SEL1L3: variants seen among roughly 807,000 people sequenced by gnomAD.
The protein encoded by SEL1L3 is SEL1L family member 3.
In SEL1L3, 76 loss-of-function variants were observed where a neutral mutation model predicts 142.8. That is an observed-to-expected ratio of 0.53 (90% CI 0.44 to 0.64). The LOEUF (loss-of-function observed/expected upper bound fraction) is 0.64. Among genes scored for constraint, SEL1L3 ranks in the 30% least tolerant of loss-of-function variants. The pLI is 0.00. For missense variants in SEL1L3, 1,262 were observed against 1,381.7 expected, an observed-to-expected ratio of 0.91 and a Z score of 1.37; for synonymous variants, 504 against 519.6, an observed-to-expected ratio of 0.97 and a Z score of 0.41.
At chr4:25,750,156 C>G (rs1214459601) in intron 23 of SEL1L3, among the ~76,000 whole-genome samples, 1 of 149,736 alleles carries the variant, frequency 6.7e-6, no homozygotes, top group Admixed American at 6.7e-5. Flanking sequence ...ATTGCTTGAA[C>G]CTGGGAGGCC....
At chr4:25,814,170 T>C (rs943613952) in intron 9 of SEL1L3, among the ~76,000 whole-genome samples, 1 of 143,018 alleles carries the variant, frequency 7.0e-6, no homozygotes, top group South Asian at 2.3e-4. Flanking sequence ...ATCTTATTTG[T>C]TAAAAATTCC....
chr4:25,768,928 A>C (rs565415618), intron 17 of SEL1L3, among the ~76,000 whole-genome samples: 84 of 152,150 alleles, frequency 5.5e-4, no homozygotes, highest in African/African-American at 2.0e-3. Context: ...GAAAAAAAAA[A>C]CCCTAAAAAT....
At chr4:25,744,457 G>T (rs1057450448), downstream of SEL1L3, among the ~76,000 whole-genome samples, 1 of 148,408 alleles carries the variant, frequency 6.7e-6, no homozygotes, top group African/African-American at 2.5e-5. Context: ...AGGTTCAAGC[G>T]ATGCTCATGC....
At chr4:25,812,607 G>C (rs1374902516) in intron 9 of SEL1L3, among the ~76,000 whole-genome samples, 1 of 151,608 alleles carries the variant, frequency 6.6e-6, no homozygotes, top group Non-Finnish European at 1.5e-5. Flanking sequence ...AGTTACTCAG[G>C]AGGCTGAGGC....
chr4:25,862,741 C>T lies in SEL1L3; in HGVS notation c.96G>A (p.Pro32=). ...AVGPRAAAMV[P]SGGVPQGLGG... ...CGAGGCCCTGGGGGACGCCGCCACT[C>T]GGGACCATGGCTGCGGCCCGGGGGC... is the stretch of plus-strand genomic sequence containing the variant. The change falls in exon 1 of 24, where the codon CCG becomes CCA. Residue 32 remains proline, a synonymous_variant. Transcript: ENST00000399878. The T allele has an allele frequency of 3.2e-6, 4 of 1,256,164 alleles. No homozygotes were observed. The highest frequency in any genetic ancestry group is 5.6e-5 in the South Asian group (2 of 35,512). The allele number at this position is 1,256,164 out of a possible 1,614,324, so 77.8% of individuals were successfully genotyped here. A position where few individuals can be genotyped will look rare whatever the true frequency, so the allele number is the denominator to read the frequency against.
At chr4:25,733,197 A>G in the SEL1L3 span, among the ~76,000 whole-genome samples, 1 of 152,158 alleles carries the variant, frequency 6.6e-6, no homozygotes, top group Non-Finnish European at 1.5e-5. Flanking sequence ...CATTGAATCT[A>G]TAAAATCAAT....
chr4:25,797,684 A>T (rs916201721), intron 11 of SEL1L3, among the ~76,000 whole-genome samples: 2 of 152,194 alleles, frequency 1.3e-5, no homozygotes, highest in Non-Finnish European at 2.9e-5. Context: ...ACTGCAGTTG[A>T]CTTTCTGTTC....
the SEL1L3 span, among the ~76,000 whole-genome samples, chr4:25,738,695 G>T: frequency 5.9e-5 from 9 of 152,136 alleles, no homozygotes; most frequent in Non-Finnish European, 1.2e-4. Flanking sequence ...CCATAGTTGA[G>T]GTAATCATTG....
chr4:25,840,977 C>A (rs1228381950), intron 2 of SEL1L3, among the ~76,000 whole-genome samples: 1 of 152,072 alleles, frequency 6.6e-6, no homozygotes, highest in Non-Finnish European at 1.5e-5. Flanking sequence ...ACAGCTTATG[C>A]CTTCCCCTCT....
chr4:25,809,029 C>T (rs1408804771), intron 9 of SEL1L3, among the ~76,000 whole-genome samples: 4 of 143,904 alleles, frequency 2.8e-5, no homozygotes, highest in South Asian at 2.3e-4. Context: ...GCCGAGATCG[C>T]GCCACTGCAC....
In SEL1L3 at chr4:25,802,314, G is replaced by C; in HGVS notation, c.1925C>G (p.Pro642Arg). Reference sequence around the variant, plus strand: ...TCCTTGCAGTGTGTGCTGGTCAAGGGGTGTCTTGGTGGCAATGTTGCTGTA... The same window carrying C: ...TCCTTGCAGTGTGTGCTGGTCAAGGCGTGTCTTGGTGGCAATGTTGCTGTA... ...AYYSNIATKT[P>R]LDQHTLQGDQ... Residue 642 changes from proline to arginine, a missense_variant, in exon 11 of 24, where the codon CCC (proline) becomes CGC (arginine). By Grantham distance (103) the Pro-to-Arg change is moderately radical (BLOSUM62 -2). This residue lies in a region of SEL1L3 where 435 missense variants were observed against 559.2 expected (regional missense o/e 0.78). Coordinates refer to ENST00000399878, the MANE Select transcript of SEL1L3 (RefSeq NM_015187.5). The C allele has an allele frequency of 6.2e-7, 1 of 1,613,630 alleles. No homozygotes were observed. The highest frequency in any genetic ancestry group is 8.5e-7 in the Non-Finnish European group (1 of 1,179,800).
At chr4:25,795,794 G>A (rs1370722638) in intron 11 of SEL1L3, among the ~76,000 whole-genome samples, 1 of 152,132 alleles carries the variant, frequency 6.6e-6, no homozygotes, top group African/African-American at 2.4e-5. Context: ...GGCCTTCTGT[G>A]AAAGCAGACC....
chr4:25,740,543 C>T, the SEL1L3 span, among the ~76,000 whole-genome samples: 1 of 152,110 alleles, frequency 6.6e-6, no homozygotes, highest in Non-Finnish European at 1.5e-5. Context: ...AGGATCCAGG[C>T]TGCTCCAGCT....
At chr4:25,750,776 G>A (rs1246314484) in intron 23 of SEL1L3, among the ~76,000 whole-genome samples, 1 of 152,186 alleles carries the variant, frequency 6.6e-6, no homozygotes, top group African/African-American at 2.4e-5. Context: ...AAATGTAGAT[G>A]ACAGGAAACA....
chr4:25,840,223 G>A (rs1716080760), intron 2 of SEL1L3, among the ~76,000 whole-genome samples: 1 of 152,028 alleles, frequency 6.6e-6, no homozygotes, highest in Non-Finnish European at 1.5e-5. Flanking sequence ...ATCATAAAGG[G>A]GAATGTAGAT....
At chr4:25,722,311 T>C in the SEL1L3 span, among the ~76,000 whole-genome samples, 5 of 152,168 alleles carry the variant, frequency 3.3e-5, no homozygotes, top group East Asian at 9.6e-4. Flanking sequence ...CTTCACAAGA[T>C]AAATTTATAT....
intron 23 of SEL1L3, among the ~76,000 whole-genome samples, chr4:25,753,804 C>T (rs966356795): frequency 4.0e-5 from 6 of 150,536 alleles, no homozygotes; most frequent in South Asian, 2.1e-4. Context: ...GCCAACATGG[C>T]GAAAGCCCAT....
intron 18 of SEL1L3, 38 bp from the exon 19 acceptor site, chr4:25,767,647 A>G: frequency 6.6e-7 from 1 of 1,516,120 alleles, no homozygotes; most frequent in South Asian, 1.2e-5. Context: ...ATTCATTAAT[A>G]TTTCGGCCAA....
At chr4:25,852,200 C>T (rs369548193) in intron 1 of SEL1L3, among the ~76,000 whole-genome samples, 79 of 152,242 alleles carry the variant, frequency 5.2e-4, no homozygotes, top group Middle Eastern at 3.4e-3. Flanking sequence ...ATTCTGCAGA[C>T]GAGGAAATGA....
Sources: allele counts gnomAD v4.1 joint callset (sites outside exome capture counted in the v4.1 genomes callset), GRCh38; gene constraint gnomAD v4.1.1; regional missense constraint gnomAD v4.1.1; transcripts MANE v1.5; gene names NCBI Gene and HGNC (gene_info 2026-07-23, HGNC 2026-07-21).